The following CACNG2 variants were observed in gnomAD, a reference collection of about 807,000 sequenced individuals.
CACNG2 encodes the protein voltage-dependent calcium channel gamma-2 subunit.
CACNG2 carries 3 observed loss-of-function variants against 25.9 expected under a neutral mutation model. The ratio of observed to expected loss-of-function variants is 0.12; its 90% CI spans 0.05 to 0.30. The LOEUF (loss-of-function observed/expected upper bound fraction) is 0.30. Among genes scored for constraint, CACNG2 ranks in the 10% least tolerant of loss-of-function variants. The pLI is 1.00. For missense variants in CACNG2, 341 were observed against 432.5 expected, an observed-to-expected ratio of 0.79 and a Z score of 1.88; for synonymous variants, 167 against 173.3, an observed-to-expected ratio of 0.96 and a Z score of 0.29.
chr22:36,670,636 T>TTTG (rs201649994), intron 1 of CACNG2, among the ~76,000 whole-genome samples: 11 of 85,664 alleles, frequency 1.3e-4, no homozygotes, highest in South Asian at 6.5e-4. Flanking sequence ...TGTTTTTTTG[T>TTTG]TTTGTTTTGT....
chr22:36,700,005 G>A (rs1288825197), intron 1 of CACNG2, among the ~76,000 whole-genome samples: 1 of 152,248 alleles, frequency 6.6e-6, no homozygotes, highest in Non-Finnish European at 1.5e-5. Context: ...CGGAGCTCCA[G>A]CCCTTCCTGC....
intron 1 of CACNG2, among the ~76,000 whole-genome samples, chr22:36,613,272 A>G (rs1935974097): frequency 6.6e-6 from 1 of 152,028 alleles, no homozygotes; most frequent in Non-Finnish European, 1.5e-5. Flanking sequence ...CTTGGATTTC[A>G]CACCTGTACT....
intron 1 of CACNG2, among the ~76,000 whole-genome samples, chr22:36,610,511 T>C (rs538715233): frequency 6.6e-6 from 1 of 152,158 alleles, no homozygotes; most frequent in Admixed American, 6.5e-5. Flanking sequence ...ATTGACTAAT[T>C]GAATAAAAAC....
At chr22:36,701,602 C>G (rs1371150459) in intron 1 of CACNG2, among the ~76,000 whole-genome samples, 1 of 148,172 alleles carries the variant, frequency 6.7e-6, no homozygotes, top group Non-Finnish European at 1.5e-5. Flanking sequence ...AATGCTGACT[C>G]TACTAGCTTC....
chr22:36,638,021 C>T (rs1022423655), intron 1 of CACNG2, among the ~76,000 whole-genome samples: 4 of 134,858 alleles, frequency 3.0e-5, no homozygotes, highest in Admixed American at 2.2e-4. Context: ...GAATCCATCT[C>T]AAAAAAAAAA....
chr22:36,693,388 T>C (rs144440700), intron 1 of CACNG2, among the ~76,000 whole-genome samples: 160 of 152,260 alleles, frequency 1.1e-3, no homozygotes, highest in African/African-American at 3.7e-3. Context: ...TTACTCTCTG[T>C]TTACTATGAC....
intron 1 of CACNG2, among the ~76,000 whole-genome samples, chr22:36,609,403 GT>G (rs1935893528): frequency 1.4e-5 from 1 of 73,918 alleles, no homozygotes; most frequent in Non-Finnish European, 3.0e-5. Flanking sequence ...CCCCCAGAGC[GT>G]GATCGGGAGG....
In CACNG2 at chr22:36,564,526, G is replaced by A. The variant is rs1269364360; in HGVS notation, c.797C>T (p.Thr266Met). The A allele has an allele frequency of 1.2e-6, 2 of 1,614,016 alleles. No homozygotes were observed. Among genetic ancestry groups the A allele is most frequent in the Non-Finnish European group, 1.7e-6 (2 of 1,180,002 alleles). The change falls in exon 4 of 4, where the codon ACG becomes ATG. Residue 266 changes from threonine to methionine, a missense_variant. By Grantham distance (81) the Thr-to-Met change is moderately conservative (BLOSUM62 -1). This residue lies in a region of CACNG2 where 172 missense variants were observed against 178.1 expected (regional missense o/e 0.97). Transcript: ENST00000300105. The surrounding 1 kb of genome is among the most constrained non-coding windows in gnomAD (Gnocchi z 6.7). ...GIKGFNTLPS[T>M]EISMYTLSRD... The stretch of plus-strand genomic sequence containing the variant: ...GCTGAGCGTGTACATGGAGATCTCC[G>A]TGGACGGCAGGGTGTTGAAGCCCTT...
chr22:36,586,686 C>T (rs1603500903), intron 2 of CACNG2, among the ~76,000 whole-genome samples: 1 of 152,144 alleles, frequency 6.6e-6, no homozygotes, highest in Non-Finnish European at 1.5e-5. Context: ...GGGGTTGCTC[C>T]TGGGAGGAGA....
chr22:36,600,449 A>C (rs1035961497), intron 1 of CACNG2, among the ~76,000 whole-genome samples: 1 of 71,388 alleles, frequency 1.4e-5, no homozygotes, highest in Non-Finnish European at 4.0e-5. Context: ...AACCAAAAAA[A>C]CAAAAAAAAA....
At chr22:36,565,709 C>T (rs921261517) in intron 3 of CACNG2, among the ~76,000 whole-genome samples, 4 of 152,338 alleles carry the variant, frequency 2.6e-5, no homozygotes, top group African/African-American at 7.2e-5. Context: ...AGGCTGGTCT[C>T]GGACTCCTGA....
chr22:36,681,993 T>A (rs1937130775), intron 1 of CACNG2, among the ~76,000 whole-genome samples: 1 of 152,170 alleles, frequency 6.6e-6, no homozygotes, highest in South Asian at 2.1e-4. Flanking sequence ...CCCTCTACCA[T>A]CAGCCCATCT....
intron 1 of CACNG2, among the ~76,000 whole-genome samples, chr22:36,592,553 G>A (rs1246292338): frequency 2.0e-5 from 3 of 152,098 alleles, no homozygotes; most frequent in African/African-American, 7.2e-5. Flanking sequence ...TATATACATC[G>A]AGTATATATT....
intron 1 of CACNG2, among the ~76,000 whole-genome samples, chr22:36,662,951 C>T (rs1276395472): frequency 4.6e-5 from 7 of 151,968 alleles, no homozygotes; most frequent in Admixed American, 3.9e-4. Flanking sequence ...CTCTGTATCA[C>T]TGGGGCCCTG....
chr22:36,661,156 CT>C (rs1936788100), intron 1 of CACNG2, among the ~76,000 whole-genome samples: 2 of 152,204 alleles, frequency 1.3e-5, no homozygotes, highest in Non-Finnish European at 2.9e-5. Flanking sequence ...TGGATTCAGT[CT>C]CCTATCAGTC....
intron 1 of CACNG2, among the ~76,000 whole-genome samples, chr22:36,647,723 C>A (rs1221973597): frequency 6.6e-6 from 1 of 152,244 alleles, no homozygotes; most frequent in Non-Finnish European, 1.5e-5. Flanking sequence ...CCTGTTGCCT[C>A]TGGCTGGAAT....
At chr22:36,676,622 C>T (rs971816798) in intron 1 of CACNG2, among the ~76,000 whole-genome samples, 1 of 152,176 alleles carries the variant, frequency 6.6e-6, no homozygotes, top group African/African-American at 2.4e-5. Context: ...GAGGCTGCTA[C>T]GAGGCTCAAC....
intron 1 of CACNG2, among the ~76,000 whole-genome samples, chr22:36,611,196 GC>G (rs962477049): frequency 1.3e-5 from 2 of 152,152 alleles, no homozygotes; most frequent in Non-Finnish European, 2.9e-5. Context: ...CTGGGATGGT[GC>G]CTCCCAGCCT....
chr22:36,651,868 T>C (rs1040432467), intron 1 of CACNG2, among the ~76,000 whole-genome samples: 3 of 152,040 alleles, frequency 2.0e-5, no homozygotes, highest in Admixed American at 6.5e-5. Context: ...ATCTATTTTG[T>C]TTCTTTTGTT....
Sources: allele counts gnomAD v4.1 joint callset (sites outside exome capture counted in the v4.1 genomes callset), GRCh38; gene constraint gnomAD v4.1.1; regional missense constraint gnomAD v4.1.1; non-coding constraint Gnocchi (gnomAD v3.1); transcripts MANE v1.5; gene names NCBI Gene and HGNC (gene_info 2026-07-23, HGNC 2026-07-21).